SHANK2: variants seen among roughly 807,000 people sequenced by gnomAD.
The protein encoded by SHANK2 is SH3 and multiple ankyrin repeat domains protein 2.
SHANK2 carries 43 observed loss-of-function variants against 133.7 expected under a neutral mutation model. The observed-to-expected ratio is 0.32, with a 90% CI of 0.25 to 0.41. SHANK2 has a LOEUF of 0.41. Ranked by LOEUF, SHANK2 falls within the 10% of genes least tolerant of loss-of-function variation. The pLI, the probability that SHANK2 is intolerant of heterozygous loss-of-function variation, is 1.00. For missense variants in SHANK2, 1,994 were observed against 2,235.8 expected (o/e 0.89, Z 2.18); for synonymous variants, 1,017 against 952.8 (o/e 1.07, Z -1.24).
intron 1 of SHANK2, among the ~76,000 whole-genome samples, chr11:71,248,245 C>T (rs781929977): frequency 7.9e-5 from 12 of 152,378 alleles, no homozygotes; most frequent in Admixed American, 6.5e-4. Context: ...CGTCCATCAG[C>T]GGCATCAAAC....
At chr11:70,697,294 A>T (rs183972519) in intron 15 of SHANK2, among the ~76,000 whole-genome samples, 1 of 152,242 alleles carries the variant, frequency 6.6e-6, no homozygotes, top group South Asian at 2.1e-4. Context: ...TTTTACCACA[A>T]TAAGAAAAAA....
At chr11:71,144,359 T>C (rs1363259400) in intron 3 of SHANK2, among the ~76,000 whole-genome samples, 1 of 152,190 alleles carries the variant, frequency 6.6e-6, no homozygotes, top group Admixed American at 6.5e-5. Flanking sequence ...GGGAAGGTGA[T>C]GGATGCACTT....
chr11:70,768,494 C>G (rs1947175263), intron 14 of SHANK2, among the ~76,000 whole-genome samples: 1 of 152,096 alleles, frequency 6.6e-6, no homozygotes, highest in Non-Finnish European at 1.5e-5. Flanking sequence ...GGGGAGGTGG[C>G]CTGGCCCTGT....
chr11:70,868,412 T>C (rs782326214), intron 11 of SHANK2, among the ~76,000 whole-genome samples: 4 of 152,164 alleles, frequency 2.6e-5, no homozygotes, highest in Non-Finnish European at 4.4e-5. Flanking sequence ...TAATAAACAA[T>C]GACAACAGTC....
chr11:71,190,040 T>A (rs1310787156), intron 2 of SHANK2, among the ~76,000 whole-genome samples: 1 of 152,170 alleles, frequency 6.6e-6, no homozygotes, highest in African/African-American at 2.4e-5. Context: ...CCAGCCCTTA[T>A]CTGCAAGGAA....
chr11:70,934,471 G>C (rs1950544990), intron 10 of SHANK2, among the ~76,000 whole-genome samples: 2 of 152,122 alleles, frequency 1.3e-5, no homozygotes, highest in Admixed American at 6.5e-5. Flanking sequence ...GCAGTCCTTG[G>C]CTGTCCCCAC....
chr11:70,748,376 A>T (rs1187573683), intron 14 of SHANK2, among the ~76,000 whole-genome samples: 3 of 152,134 alleles, frequency 2.0e-5, no homozygotes, highest in Non-Finnish European at 4.4e-5. Context: ...AAGGGTGAAC[A>T]TCCACTAACC....
At chr11:71,222,567 A>G (rs918676989) in intron 2 of SHANK2, among the ~76,000 whole-genome samples, 8 of 152,244 alleles carry the variant, frequency 5.3e-5, no homozygotes, top group African/African-American at 1.9e-4. Context: ...GCAGAAGCGC[A>G]TGCACGCCAT....
At chr11:71,061,858 C>A (rs1015659080) in intron 9 of SHANK2, among the ~76,000 whole-genome samples, 1 of 152,146 alleles carries the variant, frequency 6.6e-6, no homozygotes, top group Non-Finnish European at 1.5e-5. Flanking sequence ...GCCCTTCCCC[C>A]GCTCTGCCCC....
At chr11:70,904,412 G>A (rs1043249986) in intron 10 of SHANK2, among the ~76,000 whole-genome samples, 4 of 151,974 alleles carry the variant, frequency 2.6e-5, no homozygotes, top group Non-Finnish European at 5.9e-5. Flanking sequence ...AGACCAACAC[G>A]GGTGACATGG....
At chr11:70,915,149 T>C (rs1459506048) in intron 10 of SHANK2, among the ~76,000 whole-genome samples, 1 of 152,164 alleles carries the variant, frequency 6.6e-6, no homozygotes, top group Non-Finnish European at 1.5e-5. Flanking sequence ...CGGGACACGT[T>C]CATCCTCAGC....
chr11:70,930,932 G>A (rs1950495564), intron 10 of SHANK2, among the ~76,000 whole-genome samples: 1 of 151,560 alleles, frequency 6.6e-6, no homozygotes, highest in African/African-American at 2.4e-5. Flanking sequence ...CTCCAAAAGT[G>A]CTGGGACTAC....
At chr11:71,149,283 A>C (rs549475178) in intron 2 of SHANK2, among the ~76,000 whole-genome samples, 7 of 152,196 alleles carry the variant, frequency 4.6e-5, no homozygotes, top group Non-Finnish European at 1.0e-4. Flanking sequence ...TCAGAAGTTC[A>C]TCACTAGAGA....
At position 70,487,444 on chromosome 11, in the gene SHANK2, A is replaced by G; in HGVS notation, c.2849T>C (p.Met950Thr). 1.2e-6 allele frequency: 2 copies of G among 1,613,998 alleles called. No individual in the cohort carries two copies. Among genetic ancestry groups the G allele is most frequent in the Non-Finnish European group, 1.7e-6 (2 of 1,180,008 alleles). Reference sequence around the variant, plus strand: ...GCGGTCCAGCTCTCTCCTGAAGTACATCCCCTTCTCCCTCATCATGGTGGC... The same window carrying G: ...GCGGTCCAGCTCTCTCCTGAAGTACGTCCCCTTCTCCCTCATCATGGTGGC... ...TVATMMREKG[M>T]YFRRELDRYS... is the part of the protein sequence containing the mutation. The change falls in exon 25 of 26, where the codon ATG becomes ACG. Residue 950 changes from methionine (M) to threonine (T), a missense_variant. Physicochemically the swap from Met to Thr is moderately conservative, Grantham distance 81. This residue lies in a region of SHANK2 where 488 missense variants were observed against 642.6 expected (regional missense o/e 0.76). Coordinates refer to ENST00000601538, the MANE Select transcript of SHANK2 (RefSeq NM_012309.5). This position sits in a 1 kb window ranked among gnomAD's most constrained non-coding sequence, Gnocchi z 5.8.
intron 17 of SHANK2, among the ~76,000 whole-genome samples, chr11:70,598,137 G>A (rs1400704247): frequency 1.3e-5 from 2 of 152,202 alleles, no homozygotes; most frequent in African/African-American, 2.4e-5. Context: ...GGAACGTGCC[G>A]TAGACAGGGT....
chr11:70,931,855 A>G (rs1590845940), intron 10 of SHANK2, among the ~76,000 whole-genome samples: 1 of 152,230 alleles, frequency 6.6e-6, no homozygotes, highest in Non-Finnish European at 1.5e-5. Context: ...TTATTTTTCC[A>G]AAGTGAAAAT....
rs1376302734 is a variant in SHANK2 at position 70,807,190 on chromosome 11, G to A, written c.1494-19C>T. ...AGGCGACCTGGACCAGGTGAGAGGG[G>A]CAGAGAGAGAGAGAGCAGAGTCACA... On this transcript the variant is annotated intron_variant, in intron 12 of 25. Coordinates refer to ENST00000601538, the MANE Select transcript of SHANK2 (RefSeq NM_012309.5). This position sits in a 1 kb window ranked among gnomAD's most constrained non-coding sequence, Gnocchi z 4.8. 8.4e-6 allele frequency: 6 copies of A among 713,834 alleles called. No homozygotes were observed. The highest frequency in any genetic ancestry group is 1.6e-5 in the Non-Finnish European group (6 of 384,224). The allele number at this position is 713,834 out of a possible 1,614,324, so 44.2% of individuals were successfully genotyped here. A position where few individuals can be genotyped will look rare whatever the true frequency, so the allele number is the denominator to read the frequency against.
At chr11:70,783,747 T>C (rs1449423347) in intron 14 of SHANK2, among the ~76,000 whole-genome samples, 4 of 152,168 alleles carry the variant, frequency 2.6e-5, no homozygotes, top group Non-Finnish European at 5.9e-5. Context: ...AACTGCCCAC[T>C]GGACGTGCGG....
intron 17 of SHANK2, among the ~76,000 whole-genome samples, chr11:70,504,357 T>TA: frequency 6.6e-6 from 1 of 151,012 alleles, no homozygotes. Flanking sequence ...AGTGCCTGGC[T>TA]CCCCATACTG....
Sources: gnomAD v4.1 joint callset for allele counts (sites outside exome capture counted in the v4.1 genomes callset) on GRCh38, gnomAD v4.1.1 for gene constraint, gnomAD v4.1.1 regional missense constraint, Gnocchi (gnomAD v3.1) non-coding constraint, MANE v1.5 for transcripts, NCBI Gene and HGNC (gene_info 2026-07-23, HGNC 2026-07-21) for gene names.